ATAD2: variants seen among roughly 807,000 people sequenced by gnomAD.
The protein encoded by ATAD2 is ATPase family AAA domain containing 2, also known as ATPase family AAA domain-containing protein 2.
In ATAD2, 62 loss-of-function variants were observed where a neutral mutation model predicts 168.9. The ratio of observed to expected loss-of-function variants is 0.37; its 90% CI spans 0.30 to 0.45. The LOEUF (loss-of-function observed/expected upper bound fraction) is 0.45, where lower values mean the gene tolerates loss of function less well. Ranked by LOEUF, ATAD2 falls within the 20% of genes least tolerant of loss-of-function variation. The pLI is 1.00. For synonymous variants in ATAD2, 613 were observed against 571.6 expected, an observed-to-expected ratio of 1.07 and a Z score of -1.03; for missense variants, 1,419 against 1,667.8, an observed-to-expected ratio of 0.85 and a Z score of 2.60.
Position 123,345,054 on chromosome 8 carries a change from T to C in ATAD2, c.2548A>G (p.Lys850Glu). 1 of 1,608,326 alleles carries C rather than the reference T, an allele frequency of 6.2e-7. No homozygotes were observed. The highest frequency in any genetic ancestry group is 8.5e-7 in the Non-Finnish European group (1 of 1,175,652). ...TACACTATACTTGGTGCTGTTCTCT[T>C]AGCTTCACGAATCACCTAGTAGAGA... ...ETCAQVIREA[K>E]RTAPSIVYVP... Residue 850 changes from lysine to glutamate, a missense_variant, in exon 19 of 28, where the codon AAG becomes GAG. By Grantham distance (56) the Lys-to-Glu change is moderately conservative. Around this residue, in one of 5 missense-constraint regions of ATAD2, gnomAD observed 545 missense variants for 724.9 expected, o/e 0.75. Coordinates refer to ENST00000287394, the MANE Select transcript of ATAD2 (RefSeq NM_014109.4).
intron 13 of ATAD2, among the ~76,000 whole-genome samples, chr8:123,354,130 T>C (rs1828558121): frequency 6.6e-6 from 1 of 152,080 alleles, no homozygotes; most frequent in African/African-American, 2.4e-5. Flanking sequence ...CAAGACTTTG[T>C]CTCAAAAAAA....
chr8:123,400,558 C>T (rs530170829), upstream of ATAD2: 16 of 472,234 alleles, frequency 3.4e-5, no homozygotes, highest in African/African-American at 7.8e-5. This position sits in a 1 kb window ranked among gnomAD's most constrained non-coding sequence, Gnocchi z 4.5. Context: ...TATGTTGGGT[C>T]GCCGGGTCTC....
chr8:123,366,893 A>C (rs1216396383), intron 8 of ATAD2, among the ~76,000 whole-genome samples: 1 of 152,148 alleles, frequency 6.6e-6, no homozygotes, highest in Non-Finnish European at 1.5e-5. Flanking sequence ...GAAATAAAAA[A>C]TTTAAAAAAA....
At chr8:123,368,467 T>G (rs777419601) in intron 8 of ATAD2, among the ~76,000 whole-genome samples, 1 of 152,026 alleles carries the variant, frequency 6.6e-6, no homozygotes, top group Non-Finnish European at 1.5e-5. Context: ...AGAAGAATTA[T>G]CTCTTTGGAC....
intron 22 of ATAD2, 41 bp downstream of exon 22, chr8:123,336,329 GCCC>G (rs765075523): frequency 4.0e-6 from 6 of 1,512,950 alleles, no homozygotes; most frequent in South Asian, 1.3e-5. Flanking sequence ...AGTGTTAGCT[GCCC>G]CCCAACTCAA....
At chr8:123,329,981 C>CTTTTTTTTTTTTTTTTTTT (rs71310666) in intron 24 of ATAD2, among the ~76,000 whole-genome samples, 7 of 100,342 alleles carry the variant, frequency 7.0e-5, no homozygotes, top group African/African-American at 2.5e-4. Context: ...CCAGTGGCTT[C>CTTTTTTTTTTTTTTTTTTT]TTTTTTTTTT....
Position 123,349,643 on chromosome 8 carries a change from CA to C in ATAD2, c.1647-200del, listed in dbSNP as rs547191905. ...CACAGAAATTGAAATCAATGGAAAA[CA>C]GACGGTTGTTAGACCCCCCACAAAT... On this transcript the variant is annotated intron_variant, in intron 13 of 27. Transcript: ENST00000287394. 9.9e-5 allele frequency among the ~76,000 whole-genome samples: 15 copies of C among 152,020 alleles called. No homozygotes were observed. The South Asian group carries it at 3.1e-3, about 32-fold the overall frequency.
intron 1 of ATAD2, among the ~76,000 whole-genome samples, chr8:123,383,639 G>A (rs1829559635): frequency 6.6e-6 from 1 of 152,160 alleles, no homozygotes; most frequent in Non-Finnish European, 1.5e-5. Context: ...CGGGCGAGGT[G>A]GCGCATGCCT....
chr8:123,322,475 C>T (rs1206069659), intron 27 of ATAD2, among the ~76,000 whole-genome samples: 2 of 152,006 alleles, frequency 1.3e-5, no homozygotes, highest in Non-Finnish European at 2.9e-5. Context: ...TCAAGATCGG[C>T]GTGGGCAACA....
At chr8:123,321,625 T>C (rs922234620) in intron 27 of ATAD2, among the ~76,000 whole-genome samples, 1 of 152,032 alleles carries the variant, frequency 6.6e-6, no homozygotes, top group Non-Finnish European at 1.5e-5. Context: ...TCTAGTGAAA[T>C]GATCTGTTAT....
At chr8:123,328,160 A>G (rs1827663833) in intron 25 of ATAD2, 30 bp downstream of exon 25, 2 of 1,349,158 alleles carry the variant, frequency 1.5e-6, no homozygotes, top group East Asian at 5.4e-5. Flanking sequence ...TTTTAAAATC[A>G]GTAAATTATT....
chr8:123,329,057 T>C (rs1827697607), intron 24 of ATAD2, among the ~76,000 whole-genome samples: 1 of 152,102 alleles, frequency 6.6e-6, no homozygotes, highest in Admixed American at 6.5e-5. Flanking sequence ...CGCCTCGGCC[T>C]CCCAAAGTGC....
intron 2 of ATAD2, among the ~76,000 whole-genome samples, chr8:123,379,884 A>ATTG (rs1268109846): frequency 7.9e-6 from 1 of 127,168 alleles, no homozygotes; most frequent in South Asian, 2.7e-4. Context: ...TATTATTATT[A>ATTG]TTATTATTTT....
At chr8:123,410,844 C>T (rs1430382028) in intron 1 of ATAD2, among the ~76,000 whole-genome samples, 2 of 152,260 alleles carry the variant, frequency 1.3e-5, no homozygotes, top group African/African-American at 2.4e-5. Flanking sequence ...CCGCTGTGCT[C>T]CTGATCCAGC....
intron 1 of ATAD2, among the ~76,000 whole-genome samples, chr8:123,406,218 A>G (rs1421530108): frequency 6.6e-6 from 1 of 151,954 alleles, no homozygotes; most frequent in Non-Finnish European, 1.5e-5. Flanking sequence ...CTCTACTAAA[A>G]ATACAAAAAT....
chr8:123,353,922 C>G (rs1828551865), intron 13 of ATAD2, among the ~76,000 whole-genome samples: 1 of 152,166 alleles, frequency 6.6e-6, no homozygotes, highest in Non-Finnish European at 1.5e-5. Flanking sequence ...CACCTGAGAT[C>G]AGGAGTTCGA....
At chr8:123,400,895 T>A, upstream of ATAD2, 1 of 1,429,308 alleles carries the variant, frequency 7.0e-7, no homozygotes, top group Non-Finnish European at 9.8e-7. This position sits in a 1 kb window ranked among gnomAD's most constrained non-coding sequence, Gnocchi z 4.5. Context: ...GTGCGGAAGG[T>A]CAAGAAGTTT....
At chr8:123,325,007 C>T (rs190756347) in intron 26 of ATAD2, among the ~76,000 whole-genome samples, 2 of 149,318 alleles carry the variant, frequency 1.3e-5, no homozygotes, top group Admixed American at 1.3e-4. Flanking sequence ...CTCAGGAGTT[C>T]GAGACCAGAC....
chr8:123,350,417 T>G (rs1203310835), intron 13 of ATAD2, among the ~76,000 whole-genome samples: 3 of 152,246 alleles, frequency 2.0e-5, no homozygotes, highest in Non-Finnish European at 4.4e-5. Flanking sequence ...TGACTAATTC[T>G]TTAATAATAT....
Sources: allele counts gnomAD v4.1 joint callset (sites outside exome capture counted in the v4.1 genomes callset), GRCh38; gene constraint gnomAD v4.1.1; regional missense constraint gnomAD v4.1.1; non-coding constraint Gnocchi (gnomAD v3.1); transcripts MANE v1.5; gene names NCBI Gene and HGNC (gene_info 2026-07-23, HGNC 2026-07-21).